The following NLGN1 variants were observed in gnomAD, a reference collection of about 807,000 sequenced individuals.
NLGN1 encodes neuroligin 1.
NLGN1 carries 12 observed loss-of-function variants against 65.5 expected under a neutral mutation model. That is an observed-to-expected ratio of 0.18 (90% CI 0.12 to 0.30). The LOEUF is 0.30. Ranked by LOEUF, NLGN1 falls within the 10% of genes least tolerant of loss-of-function variation. The probability of loss-of-function intolerance (pLI) is 1.00; values close to 1 mark genes in which losing one functional copy is unlikely to be tolerated. For missense variants in NLGN1, 750 were observed against 1,007.1 expected, an observed-to-expected ratio of 0.74 and a Z score of 3.46; for synonymous variants, 350 against 359.5, an observed-to-expected ratio of 0.97 and a Z score of 0.30.
chr3:173,962,072 C>G (rs1006253192), intron 4 of NLGN1, among the ~76,000 whole-genome samples: 1 of 151,980 alleles, frequency 6.6e-6, no homozygotes, highest in African/African-American at 2.4e-5. Context: ...ACCTTTGTTA[C>G]TGAGAAGAGA....
chr3:173,415,430 G>A (rs1252116885), intron 1 of NLGN1, among the ~76,000 whole-genome samples: 4 of 152,090 alleles, frequency 2.6e-5, no homozygotes, highest in South Asian at 4.1e-4. Flanking sequence ...AATCTCTCCC[G>A]GAAAAAGTAG....
chr3:173,705,762 T>A (rs1767957088), intron 3 of NLGN1, among the ~76,000 whole-genome samples: 1 of 152,102 alleles, frequency 6.6e-6, no homozygotes, highest in Non-Finnish European at 1.5e-5. Flanking sequence ...TTTTTCTTCC[T>A]AATATGTGGA....
chr3:173,610,679 G>T (rs1461859058), intron 3 of NLGN1, among the ~76,000 whole-genome samples: 1 of 151,842 alleles, frequency 6.6e-6, no homozygotes, highest in Non-Finnish European at 1.5e-5. Flanking sequence ...TTGTTGGCCT[G>T]GAAGTTAAGT....
At chr3:174,217,536 C>G (rs918293339) in intron 4 of NLGN1, among the ~76,000 whole-genome samples, 1 of 152,034 alleles carries the variant, frequency 6.6e-6, no homozygotes, top group African/African-American at 2.4e-5. Context: ...TGTATCCTCA[C>G]ATGGCACAAA....
intron 2 of NLGN1, among the ~76,000 whole-genome samples, chr3:173,529,538 A>C (rs1384359146): frequency 3.3e-5 from 5 of 152,186 alleles, no homozygotes; most frequent in Non-Finnish European, 1.5e-5. Flanking sequence ...CACCAGCTGC[A>C]TGCCCTAGAT....
intron 4 of NLGN1, among the ~76,000 whole-genome samples, chr3:174,004,306 G>A (rs1213215005): frequency 1.3e-5 from 2 of 152,186 alleles, no homozygotes; most frequent in East Asian, 1.9e-4. Flanking sequence ...ACAAAACTAG[G>A]CTTACACAAT....
At chr3:174,115,363 A>G (rs1716165949) in intron 4 of NLGN1, among the ~76,000 whole-genome samples, 1 of 152,210 alleles carries the variant, frequency 6.6e-6, no homozygotes, top group African/African-American at 2.4e-5. Context: ...TATTGTAAAA[A>G]TTGAAACATG....
chr3:173,726,422 T>C (rs1771788072), intron 3 of NLGN1, among the ~76,000 whole-genome samples: 1 of 152,072 alleles, frequency 6.6e-6, no homozygotes, highest in African/African-American at 2.4e-5. Context: ...ACCAGTATCT[T>C]TCCATCATCT....
intron 4 of NLGN1, among the ~76,000 whole-genome samples, chr3:174,163,234 C>G (rs1726892396): frequency 6.6e-6 from 1 of 151,898 alleles, no homozygotes; most frequent in Non-Finnish European, 1.5e-5. Flanking sequence ...GGAAGTTACC[C>G]ACTTTAAAAA....
intron 4 of NLGN1, among the ~76,000 whole-genome samples, chr3:174,122,523 A>AT (rs1433787768): frequency 1.3e-5 from 2 of 152,044 alleles, no homozygotes; most frequent in African/African-American, 4.8e-5. Context: ...GGGGGAGATT[A>AT]TTTTTTTCCA....
intron 3 of NLGN1, among the ~76,000 whole-genome samples, chr3:173,687,811 C>T (rs1024232670): frequency 2.6e-5 from 4 of 152,096 alleles, no homozygotes; most frequent in Non-Finnish European, 5.9e-5. Flanking sequence ...CAAGTATTTC[C>T]AGACAATCAA....
intron 2 of NLGN1, among the ~76,000 whole-genome samples, chr3:173,580,678 T>G (rs1746253184): frequency 6.6e-6 from 1 of 151,994 alleles, no homozygotes; most frequent in Non-Finnish European, 1.5e-5. Flanking sequence ...CCTCTATCCC[T>G]CCTTCTCCTT....
At chr3:174,284,261 C>T (rs1287537016) in exon 7 of NLGN1, 1 of 151,306 alleles carries the variant, frequency 6.6e-6, no homozygotes, top group Non-Finnish European at 1.5e-5. Flanking sequence ...TTTATAATTG[C>T]AGTCTCTAGT....
intron 3 of NLGN1, among the ~76,000 whole-genome samples, chr3:173,677,067 A>G (rs561429377): frequency 3.3e-5 from 5 of 152,270 alleles, no homozygotes; most frequent in South Asian, 4.1e-4. Flanking sequence ...AGAGTCAGAA[A>G]TGAAAGACCT....
chr3:173,549,386 A>C (rs1335065443), intron 2 of NLGN1, among the ~76,000 whole-genome samples: 1 of 152,046 alleles, frequency 6.6e-6, no homozygotes, highest in Non-Finnish European at 1.5e-5. Flanking sequence ...GTATGGCTAC[A>C]TAATAGGTGT....
At chr3:174,103,512 A>G (rs1713021866) in intron 4 of NLGN1, among the ~76,000 whole-genome samples, 1 of 152,062 alleles carries the variant, frequency 6.6e-6, no homozygotes, top group Admixed American at 6.6e-5. Context: ...AAACATAATG[A>G]TGGGAGAATG....
At chr3:173,559,884 A>G (rs1008230580) in intron 2 of NLGN1, among the ~76,000 whole-genome samples, 1 of 152,114 alleles carries the variant, frequency 6.6e-6, no homozygotes, top group Admixed American at 6.6e-5. Flanking sequence ...TATTAATGAA[A>G]AACACTAATG....
At chr3:173,956,968 A>G (rs556567883) in intron 4 of NLGN1, among the ~76,000 whole-genome samples, 1 of 152,034 alleles carries the variant, frequency 6.6e-6, no homozygotes, top group Non-Finnish European at 1.5e-5. Context: ...GATTTTTTTT[A>G]AAAATGAGTT....
chr3:173,479,923 G>A (rs1726965004), intron 2 of NLGN1, among the ~76,000 whole-genome samples: 2 of 152,074 alleles, frequency 1.3e-5, no homozygotes, highest in South Asian at 2.1e-4. Flanking sequence ...GTTAAAGTGA[G>A]AAGGATCAGA....
Sources: gnomAD v4.1 joint callset for allele counts (sites outside exome capture counted in the v4.1 genomes callset) on GRCh38, gnomAD v4.1.1 for gene constraint, MANE v1.5 for transcripts, NCBI Gene and HGNC (gene_info 2026-07-23, HGNC 2026-07-21) for gene names.